Variants in WDR33 observed in about 807,000 individuals in gnomAD.
The protein encoded by WDR33 is WD repeat domain 33.
In WDR33, 47 loss-of-function variants were observed where a neutral mutation model predicts 164.9. The ratio of observed to expected loss-of-function variants is 0.29; its 90% CI spans 0.23 to 0.36. WDR33 has a LOEUF of 0.36. WDR33 is among the 10% of genes least tolerant of loss of function. The probability of loss-of-function intolerance (pLI) is 1.00; values close to 1 mark genes in which losing one functional copy is unlikely to be tolerated. For missense variants in WDR33, 1,137 were observed against 1,754.1 expected, an observed-to-expected ratio of 0.65 and a Z score of 6.28; for synonymous variants, 505 against 589.0, an observed-to-expected ratio of 0.86 and a Z score of 2.06.
chr2:127,728,751 TAATC>T (rs1686629451), intron 7 of WDR33, among the ~76,000 whole-genome samples: 1 of 152,212 alleles, frequency 6.6e-6, no homozygotes, highest in Non-Finnish European at 1.5e-5. Flanking sequence ...ATGTATGCAT[TAATC>T]AATCAAATTT....
At position 127,713,644 on chromosome 2, in the gene WDR33, C is replaced by T. The variant is rs770865933; in HGVS notation, c.3247G>A (p.Gly1083Arg). 17 of 1,614,138 alleles carry T rather than the reference C, an allele frequency of 1.1e-5. No individual in the cohort carries two copies. The highest frequency in any genetic ancestry group is 3.3e-5 in the Admixed American group (2 of 60,010). The change falls in exon 18 of 22, where the codon GGA becomes AGA. Residue 1083 changes from glycine to arginine, a missense_variant. Gly to Arg is a moderately radical substitution (Grantham distance 125). Coordinates refer to ENST00000322313, the MANE Select transcript of WDR33 (RefSeq NM_018383.5). The surrounding 1 kb of genome is among the most constrained non-coding windows in gnomAD (Gnocchi z 6.2). ...PPGAWEGRRPGDERFPRDPED... is the reference protein window; with the variant it reads ...PPGAWEGRRPRDERFPRDPED... ...GGATCCCGGGGGAAACGTTCATCTCCGGGCCTGCGGCCTTCCCATGCCCCC... is the reference window on the plus strand; with the variant it reads ...GGATCCCGGGGGAAACGTTCATCTCTGGGCCTGCGGCCTTCCCATGCCCCC...
At position 127,701,965 on chromosome 2, in the gene WDR33, C is replaced by T; in HGVS notation, c.*4358G>A. On this transcript the variant is annotated 3_prime_UTR_variant, in exon 22 of 22. Transcript: ENST00000322313. ...TGCGAAGAAGCGCCGTCCCGGCCCG[C>T]GCTGCTCTACATGGCAGCGCTGGGC... 2 of 1,393,352 alleles carry T rather than the reference C, an allele frequency of 1.4e-6. No individual in the cohort carries two copies. The highest frequency in any genetic ancestry group is 9.3e-7 in the Non-Finnish European group (1 of 1,080,328). 86.3% of individuals were successfully genotyped at this position (1,393,352 alleles called of 1,614,324 possible). A position where few individuals can be genotyped will look rare whatever the true frequency, so the allele number is the denominator to read the frequency against.
rs1687731094 is a variant in WDR33 at position 127,763,271 on chromosome 2, G to A, written c.627-112C>T. 1.3e-6 allele frequency: 2 copies of A among 1,538,404 alleles called. No homozygotes were observed. The highest frequency in any genetic ancestry group is 1.4e-5 in the African/African-American group (1 of 72,298). On this transcript the variant is annotated intron_variant, in intron 6 of 21. Coordinates refer to ENST00000322313, the MANE Select transcript of WDR33 (RefSeq NM_018383.5). This position sits in a 1 kb window ranked among gnomAD's most constrained non-coding sequence, Gnocchi z 4.5. ...TGTGCTGCATTATAAACAGGAGAGGGAAGAATCCAGTGAAGAAGCCCTTAA... is the reference window on the plus strand; with the variant it reads ...TGTGCTGCATTATAAACAGGAGAGGAAAGAATCCAGTGAAGAAGCCCTTAA...
chr2:127,733,007 T>G (rs1686748889), intron 7 of WDR33, among the ~76,000 whole-genome samples: 1 of 152,192 alleles, frequency 6.6e-6, no homozygotes, highest in Non-Finnish European at 1.5e-5. Flanking sequence ...ATGTAGTGTT[T>G]GTAATACTGC....
rs1283916008 is a variant in WDR33 at position 127,718,973 on chromosome 2, T to G, written c.2760+292A>C. Among the ~76,000 whole-genome samples the G allele has an allele frequency of 6.6e-6, 1 of 152,134 alleles. No individual in the cohort carries two copies. Among genetic ancestry groups the G allele is most frequent in the Non-Finnish European group, 1.5e-5 (1 of 68,016 alleles). On this transcript the variant is annotated intron_variant, in intron 16 of 21. Coordinates refer to ENST00000322313, the MANE Select transcript of WDR33 (RefSeq NM_018383.5). The surrounding 1 kb of genome is among the most constrained non-coding windows in gnomAD (Gnocchi z 4.4). Reference sequence around the variant, plus strand: ...CAGCTCTCCTGGAGCCCTGGGACAATTATCAGCTGTACTCAAATGAGAGTT... The same window carrying G: ...CAGCTCTCCTGGAGCCCTGGGACAAGTATCAGCTGTACTCAAATGAGAGTT...
chr2:127,793,231 G>A (rs961110627), intron 1 of WDR33, among the ~76,000 whole-genome samples: 3 of 151,948 alleles, frequency 2.0e-5, no homozygotes, highest in Non-Finnish European at 4.4e-5. Context: ...AAGAGTTCGA[G>A]ACCAGCCTGG....
intron 7 of WDR33, among the ~76,000 whole-genome samples, chr2:127,758,801 C>T (rs370551878): frequency 2.0e-5 from 3 of 152,182 alleles, no homozygotes; most frequent in African/African-American, 7.2e-5. Flanking sequence ...AGCTCTCCCC[C>T]CTTATTATCA....
At chr2:127,800,459 CCCG>C (rs1179860906) in intron 1 of WDR33, among the ~76,000 whole-genome samples, 1 of 151,870 alleles carries the variant, frequency 6.6e-6, no homozygotes, top group Non-Finnish European at 1.5e-5. Flanking sequence ...ATGGTGAAAC[CCCG>C]TCTCTGTTAA....
At chr2:127,733,391 T>C (rs1487037995) in intron 7 of WDR33, among the ~76,000 whole-genome samples, 1 of 152,160 alleles carries the variant, frequency 6.6e-6, no homozygotes. Context: ...ACATGAAAGA[T>C]TCAGCAGTAC....
intron 1 of WDR33, among the ~76,000 whole-genome samples, chr2:127,796,025 G>A (rs543478525): frequency 6.6e-6 from 1 of 151,862 alleles, no homozygotes; most frequent in East Asian, 1.9e-4. Context: ...GATTTACCTA[G>A]GTAAATTAGG....
At position 127,706,153 on chromosome 2, in the gene WDR33, G is replaced by A; in HGVS notation, c.*170C>T. The stretch of plus-strand genomic sequence containing the variant: ...GACAGGGCCAGCCAGGCTGGTAGCT[G>A]GCAGCAGTCTCTTCATCTTGAAGAC... On this transcript the variant is annotated 3_prime_UTR_variant, in exon 22 of 22. Coordinates refer to ENST00000322313, the MANE Select transcript of WDR33 (RefSeq NM_018383.5). This position sits in a 1 kb window ranked among gnomAD's most constrained non-coding sequence, Gnocchi z 5.1. 2 of 501,136 alleles carry A rather than the reference G, an allele frequency of 4.0e-6. No individual in the cohort carries two copies. 31.0% of individuals were successfully genotyped at this position (501,136 alleles called of 1,614,324 possible).
chr2:127,721,257 A>G lies in WDR33; in HGVS notation c.1671+579T>C, dbSNP rs1203605738. ...CATGTCACTGGGACCACAGGCATGCACCACCATGCCCAGCTAATTTTTGTA... is the reference window on the plus strand; with the variant it reads ...CATGTCACTGGGACCACAGGCATGCGCCACCATGCCCAGCTAATTTTTGTA... On this transcript the variant is annotated intron_variant, in intron 15 of 21. Transcript: ENST00000322313. The surrounding 1 kb of genome is among the most constrained non-coding windows in gnomAD (Gnocchi z 4.9). Among the ~76,000 whole-genome samples the G allele has an allele frequency of 6.6e-6, 1 of 152,040 alleles. No homozygotes were observed. Among genetic ancestry groups the G allele is most frequent in the African/African-American group, 2.4e-5 (1 of 41,386 alleles).
chr2:127,786,844 CTTTTT>C (rs71307273), intron 1 of WDR33, among the ~76,000 whole-genome samples: 83 of 111,846 alleles, frequency 7.4e-4, no homozygotes, highest in Admixed American at 4.2e-3. Flanking sequence ...CCTTTCTGTT[CTTTTT>C]TTTTTTTTTT....
intron 1 of WDR33, among the ~76,000 whole-genome samples, chr2:127,794,688 G>A (rs182334073): frequency 4.6e-5 from 7 of 151,536 alleles, no homozygotes; most frequent in Non-Finnish European, 8.8e-5. Context: ...ACAAAAATTA[G>A]CCAGGTGTAG....
chr2:127,731,317 A>ACAC (rs1491231258), intron 7 of WDR33, among the ~76,000 whole-genome samples: 4 of 143,850 alleles, frequency 2.8e-5, no homozygotes, highest in African/African-American at 1.1e-4. Context: ...AAAAAAAAAA[A>ACAC]ACACAGAAAA....
At position 127,702,183 on chromosome 2, in the gene WDR33, C is replaced by T. The variant is rs993333326; in HGVS notation, c.*4140G>A. 8 of 1,213,378 alleles carry T rather than the reference C, an allele frequency of 6.6e-6. No individual in the cohort carries two copies. Among genetic ancestry groups the T allele is most frequent in the African/African-American group, 4.7e-5 (3 of 63,480 alleles). The allele number at this position is 1,213,378 out of a possible 1,614,324, so 75.2% of individuals were successfully genotyped here. A position where few individuals can be genotyped will look rare whatever the true frequency, so the allele number is the denominator to read the frequency against. ...CAAGGTGCTGCCCGTGTGAGGACCT[C>T]GCGCCCTCGCCGCTGGGGAAGTACG... On this transcript the variant is annotated 3_prime_UTR_variant, in exon 22 of 22. Transcript: ENST00000322313.
chr2:127,792,335 A>C (rs1457424228), intron 1 of WDR33, among the ~76,000 whole-genome samples: 2 of 152,096 alleles, frequency 1.3e-5, no homozygotes, highest in African/African-American at 2.4e-5. Context: ...CAAAGGAAAA[A>C]AAATTTCCAA....
At position 127,708,966 on chromosome 2, in the gene WDR33, G is replaced by GT. The variant is rs1686085957; in HGVS notation, c.3566-75dup. ...AGTAGATGGGAATGACACTGTGAGA[G>GT]TAAGGAGCAACTCGAGAGCCACCGT... is the stretch of plus-strand genomic sequence containing the variant. On this transcript the variant is annotated intron_variant, in intron 20 of 21. Transcript: ENST00000322313. The surrounding 1 kb of genome is among the most constrained non-coding windows in gnomAD (Gnocchi z 6.7). The GT allele has an allele frequency of 3.5e-6, 5 of 1,413,912 alleles. No individual in the cohort carries two copies. The highest frequency in any genetic ancestry group is 5.7e-5 in the Admixed American group (2 of 35,098). The allele number at this position is 1,413,912 out of a possible 1,614,324, so 87.6% of individuals were successfully genotyped here.
At chr2:127,737,036 T>C (rs1439837727) in intron 7 of WDR33, 1 of 985,328 alleles carries the variant, frequency 1.0e-6, no homozygotes, top group Non-Finnish European at 1.2e-6. Flanking sequence ...TCTTCTATAT[T>C]CTTCAGTTAT....
Sources: gnomAD v4.1 joint callset for allele counts (sites outside exome capture counted in the v4.1 genomes callset) on GRCh38, gnomAD v4.1.1 for gene constraint, Gnocchi (gnomAD v3.1) non-coding constraint, MANE v1.5 for transcripts, NCBI Gene and HGNC (gene_info 2026-07-23, HGNC 2026-07-21) for gene names.